SERGEF: variants seen among roughly 807,000 people sequenced by gnomAD.
SERGEF encodes the protein secretion regulating guanine nucleotide exchange factor.
SERGEF carries 51 observed loss-of-function variants against 50.0 expected under a neutral mutation model. That is an observed-to-expected ratio of 1.02 (90% CI 0.81 to 1.29). The LOEUF (loss-of-function observed/expected upper bound fraction) is 1.29, where lower values mean the gene tolerates loss of function less well. SERGEF is among the 50% of genes most tolerant of loss of function. SERGEF has a pLI of 0.00. For synonymous variants in SERGEF, 205 were observed against 212.4 expected, an observed-to-expected ratio of 0.97 and a Z score of 0.30; for missense variants, 521 against 557.0, an observed-to-expected ratio of 0.94 and a Z score of 0.65.
intron 10 of SERGEF, among the ~76,000 whole-genome samples, chr11:17,810,123 T>G (rs79616512): frequency 0.011 from 1,656 of 152,300 alleles, 32 homozygotes; most frequent in African/African-American, 0.038. Context: ...TTAGGGAGAA[T>G]GCCCTGGTTC....
At chr11:17,818,631 TC>T (rs1325422905) in intron 10 of SERGEF, among the ~76,000 whole-genome samples, 2 of 152,168 alleles carry the variant, frequency 1.3e-5, no homozygotes, top group Non-Finnish European at 2.9e-5. Flanking sequence ...CCCACTCTGC[TC>T]CTCCACAACT....
chr11:17,945,265 A>G (rs1852636297), intron 9 of SERGEF, among the ~76,000 whole-genome samples: 2 of 152,272 alleles, frequency 1.3e-5, no homozygotes, highest in Admixed American at 1.3e-4. Flanking sequence ...AGCACAATAC[A>G]AATATAATAA....
chr11:17,885,912 A>G (rs1361015839), intron 9 of SERGEF, among the ~76,000 whole-genome samples: 2 of 152,188 alleles, frequency 1.3e-5, no homozygotes, highest in East Asian at 3.9e-4. Flanking sequence ...CCTCCTCTCA[A>G]TTCTCACCAC....
chr11:17,913,100 G>A (rs563564328), intron 9 of SERGEF, among the ~76,000 whole-genome samples: 6 of 152,332 alleles, frequency 3.9e-5, no homozygotes, highest in Non-Finnish European at 2.9e-5. Context: ...ATCTGCACTA[G>A]CAACTCTTGC....
rs553198977 is a variant in SERGEF at position 17,888,681 on chromosome 11, A to G, written c.1012-10437T>C. Reference sequence around the variant, plus strand: ...CACACACACACACACACACACACGCATTGAGTTAAACCAACATGAAATTGC... The same window carrying G: ...CACACACACACACACACACACACGCGTTGAGTTAAACCAACATGAAATTGC... On this transcript the variant is annotated intron_variant, in intron 9 of 10. Transcript: ENST00000265965. The surrounding 1 kb of genome is among the most constrained non-coding windows in gnomAD (Gnocchi z 4.1). Among the ~76,000 whole-genome samples the G allele has an allele frequency of 3.3e-5, 5 of 150,434 alleles. No homozygotes were observed. In the South Asian group the frequency reaches 6.4e-4, roughly 19 times the overall value.
At chr11:17,963,045 G>A (rs1019797534) in intron 8 of SERGEF, among the ~76,000 whole-genome samples, 1 of 151,778 alleles carries the variant, frequency 6.6e-6, no homozygotes, top group African/African-American at 2.4e-5. Context: ...AGCTGAGTGT[G>A]GTGGCCCACG....
At chr11:17,896,726 G>A (rs1278229204) in intron 9 of SERGEF, among the ~76,000 whole-genome samples, 1 of 130,012 alleles carries the variant, frequency 7.7e-6, no homozygotes, top group Non-Finnish European at 1.6e-5. Flanking sequence ...GAAGGGTAAC[G>A]GAAGGGTAAC....
intron 9 of SERGEF, among the ~76,000 whole-genome samples, chr11:17,944,722 T>C (rs745864064): frequency 6.6e-6 from 1 of 152,214 alleles, no homozygotes; most frequent in Non-Finnish European, 1.5e-5. Context: ...AGATCCCGCA[T>C]GAAAAACCCG....
chr11:17,898,682 G>A (rs1444838577), intron 9 of SERGEF, among the ~76,000 whole-genome samples: 8 of 152,056 alleles, frequency 5.3e-5, no homozygotes, highest in Non-Finnish European at 1.2e-4. Context: ...ACATTAGATG[G>A]AAAAGAAAAA....
chr11:18,000,211 G>T (rs1300636803), intron 5 of SERGEF, among the ~76,000 whole-genome samples: 1 of 152,198 alleles, frequency 6.6e-6, no homozygotes, highest in Non-Finnish European at 1.5e-5. Context: ...ACTTTGGAAG[G>T]CCAAGGCGGG....
At chr11:17,824,300 CA>C (rs34840327) in intron 10 of SERGEF, among the ~76,000 whole-genome samples, 118,017 of 139,516 alleles carry the variant, frequency 0.85, 49,558 homozygotes, top group East Asian at 0.98. Context: ...GACACCGTCT[CA>C]AAAAAAAAAA....
chr11:17,970,842 G>A (rs918006078), intron 8 of SERGEF, among the ~76,000 whole-genome samples: 1 of 152,136 alleles, frequency 6.6e-6, no homozygotes, highest in African/African-American at 2.4e-5. Flanking sequence ...TAAGAGACGT[G>A]AGGGAACTGA....
chr11:17,966,633 C>T (rs755719549), intron 8 of SERGEF, among the ~76,000 whole-genome samples: 3 of 152,058 alleles, frequency 2.0e-5, no homozygotes, highest in African/African-American at 4.8e-5. Flanking sequence ...TAGTTCCTAG[C>T]GTAAATAAAC....
intron 10 of SERGEF, among the ~76,000 whole-genome samples, chr11:17,835,323 C>T (rs553885370): frequency 1.3e-5 from 2 of 152,296 alleles, no homozygotes; most frequent in South Asian, 4.2e-4. Context: ...CAGGCAGTTG[C>T]ATGGCACAGA....
intron 10 of SERGEF, among the ~76,000 whole-genome samples, chr11:17,858,806 G>A (rs527817291): frequency 2.4e-4 from 36 of 152,108 alleles, no homozygotes; most frequent in Non-Finnish European, 3.5e-4. Context: ...TAAGCCTGAA[G>A]AAGTAAGGGA....
chr11:17,979,587 T>A (rs540571248), intron 8 of SERGEF, among the ~76,000 whole-genome samples: 2 of 152,162 alleles, frequency 1.3e-5, no homozygotes, highest in African/African-American at 2.4e-5. Context: ...TCTTAACACC[T>A]GGCCAGAGGC....
At chr11:17,957,921 T>C (rs955855922) in intron 9 of SERGEF, among the ~76,000 whole-genome samples, 9 of 152,132 alleles carry the variant, frequency 5.9e-5, no homozygotes, top group Non-Finnish European at 7.3e-5. Flanking sequence ...ACATCATAAA[T>C]GCTATTGGTA....
At chr11:17,878,044 G>A in intron 10 of SERGEF, 164 bp downstream of exon 10, 1 of 598,154 alleles carries the variant, frequency 1.7e-6, no homozygotes, top group Non-Finnish European at 3.0e-6. Flanking sequence ...CAGAAAAGGA[G>A]CTTCTAGTAA....
At chr11:17,848,518 C>T (rs978244223) in intron 10 of SERGEF, among the ~76,000 whole-genome samples, 1 of 152,160 alleles carries the variant, frequency 6.6e-6, no homozygotes, top group Non-Finnish European at 1.5e-5. Flanking sequence ...ATAACATCAA[C>T]AATGCTTCCT....
Sources: allele counts gnomAD v4.1 joint callset (sites outside exome capture counted in the v4.1 genomes callset), GRCh38; gene constraint gnomAD v4.1.1; non-coding constraint Gnocchi (gnomAD v3.1); transcripts MANE v1.5; gene names NCBI Gene and HGNC (gene_info 2026-07-23, HGNC 2026-07-21).